ROBO2: variants seen among roughly 807,000 people sequenced by gnomAD.
The protein encoded by ROBO2 is roundabout guidance receptor 2, also known as roundabout homolog 2.
In ROBO2, 53 loss-of-function variants were observed where a neutral mutation model predicts 160.8. The observed-to-expected ratio is 0.33, with a 90% CI of 0.26 to 0.41. ROBO2 has a LOEUF of 0.41. Ranked by LOEUF, ROBO2 falls within the 10% of genes least tolerant of loss-of-function variation. The pLI, the probability that ROBO2 is intolerant of heterozygous loss-of-function variation, is 1.00. For synonymous variants in ROBO2, 664 were observed against 611.7 expected, an observed-to-expected ratio of 1.09 and a Z score of -1.26; for missense variants, 1,577 against 1,722.4, an observed-to-expected ratio of 0.92 and a Z score of 1.49.
intron 2 of ROBO2, among the ~76,000 whole-genome samples, chr3:76,935,542 C>T (rs2077642452): frequency 6.6e-6 from 1 of 152,076 alleles, no homozygotes; most frequent in African/African-American, 2.4e-5. Context: ...TTCATTCAGG[C>T]TACTATCACA....
At chr3:77,334,992 C>A (rs753425440) in intron 2 of ROBO2, among the ~76,000 whole-genome samples, 1 of 152,112 alleles carries the variant, frequency 6.6e-6, no homozygotes, top group Non-Finnish European at 1.5e-5. Context: ...ATTGCCCAAA[C>A]TAAAAGAAGT....
chr3:75,965,255 C>T (rs1428239013), intron 2 of ROBO2, among the ~76,000 whole-genome samples: 1 of 151,746 alleles, frequency 6.6e-6, no homozygotes, highest in Non-Finnish European at 1.5e-5. Flanking sequence ...TGTTTAAACC[C>T]AAACATTTCT....
intron 1 of ROBO2, among the ~76,000 whole-genome samples, chr3:77,056,302 A>C (rs1405314597): frequency 6.6e-6 from 1 of 152,170 alleles, no homozygotes; most frequent in Non-Finnish European, 1.5e-5. Context: ...ACCGTTTGTT[A>C]AGGGAGGCAG....
chr3:77,436,430 C>T (rs921209531), intron 2 of ROBO2, among the ~76,000 whole-genome samples: 1 of 151,726 alleles, frequency 6.6e-6, no homozygotes, highest in African/African-American at 2.4e-5. Flanking sequence ...AAATAGCCTA[C>T]CACAAATTTC....
At chr3:76,369,686 G>A (rs1317502397) in intron 2 of ROBO2, among the ~76,000 whole-genome samples, 1 of 151,778 alleles carries the variant, frequency 6.6e-6, no homozygotes, top group Non-Finnish European at 1.5e-5. Context: ...TCTTTGGTTT[G>A]TCTCTCTCCT....
chr3:77,512,348 C>G (rs950994450), intron 5 of ROBO2, among the ~76,000 whole-genome samples: 1 of 151,904 alleles, frequency 6.6e-6, no homozygotes, highest in Admixed American at 6.6e-5. Flanking sequence ...GCAACTTTTC[C>G]TATTTTCAGC....
intron 2 of ROBO2, among the ~76,000 whole-genome samples, chr3:77,465,011 C>T (rs949373049): frequency 1.3e-5 from 2 of 151,986 alleles, no homozygotes; most frequent in South Asian, 2.1e-4. Context: ...ATCCCATTTG[C>T]CAACTTCAGA....
chr3:76,942,530 G>A (rs1175320480), intron 2 of ROBO2, among the ~76,000 whole-genome samples: 1 of 152,168 alleles, frequency 6.6e-6, no homozygotes, highest in Non-Finnish European at 1.5e-5. Context: ...TCAACATGCT[G>A]ATGACAGCTG....
chr3:77,615,714 C>T (rs547994988), intron 21 of ROBO2, among the ~76,000 whole-genome samples: 1 of 152,154 alleles, frequency 6.6e-6, no homozygotes, highest in Non-Finnish European at 1.5e-5. Context: ...GGATGTAATG[C>T]AGTTTATTTA....
chr3:77,228,173 GT>G (rs1276629217), intron 2 of ROBO2, among the ~76,000 whole-genome samples: 1 of 151,792 alleles, frequency 6.6e-6, no homozygotes, highest in Non-Finnish European at 1.5e-5. Context: ...TTTTATTTTT[GT>G]TTCTTTTTTT....
At chr3:76,987,474 C>T (rs899091713) in intron 2 of ROBO2, among the ~76,000 whole-genome samples, 22 of 152,238 alleles carry the variant, frequency 1.4e-4, no homozygotes, top group Non-Finnish European at 3.1e-4. Flanking sequence ...GCAGTATTCA[C>T]TTGGTCCTAT....
intron 2 of ROBO2, among the ~76,000 whole-genome samples, chr3:76,522,551 A>C (rs1468005690): frequency 6.6e-6 from 1 of 152,204 alleles, no homozygotes; most frequent in Non-Finnish European, 1.5e-5. Context: ...ATGGAGAACT[A>C]CACGGTGTTT....
chr3:77,156,028 T>C (rs561872341), intron 2 of ROBO2, among the ~76,000 whole-genome samples: 5 of 151,986 alleles, frequency 3.3e-5, no homozygotes, highest in Non-Finnish European at 7.4e-5. Context: ...AGCATGCAAA[T>C]TTTCATCTTC....
intron 2 of ROBO2, among the ~76,000 whole-genome samples, chr3:76,770,526 T>G (rs1474656989): frequency 6.6e-6 from 1 of 151,184 alleles, no homozygotes; most frequent in African/African-American, 2.4e-5. Flanking sequence ...GATCTGTGAG[T>G]AAAGCTCTTT....
intron 5 of ROBO2, among the ~76,000 whole-genome samples, chr3:77,515,245 C>T (rs1317417318): frequency 6.6e-6 from 1 of 151,552 alleles, no homozygotes; most frequent in Non-Finnish European, 1.5e-5. Context: ...GGGATTTTTG[C>T]AGGTGCTTAG....
chr3:76,336,925 T>A (rs923693523), intron 2 of ROBO2, among the ~76,000 whole-genome samples: 1 of 152,150 alleles, frequency 6.6e-6, no homozygotes, highest in Non-Finnish European at 1.5e-5. Context: ...TTCCCAAAAT[T>A]AATGTTTGCA....
chr3:77,036,784 T>TA (rs2063661110), upstream of ROBO2, among the ~76,000 whole-genome samples: 2 of 152,072 alleles, frequency 1.3e-5, no homozygotes, highest in Non-Finnish European at 2.9e-5. Context: ...TTCTGTATCT[T>TA]AAGCTCTCTG....
chr3:76,398,669 C>T (rs1314450460), intron 2 of ROBO2, among the ~76,000 whole-genome samples: 1 of 151,378 alleles, frequency 6.6e-6, no homozygotes, highest in African/African-American at 2.4e-5. Context: ...ACTAAATATA[C>T]TAGTAGTATA....
rs563699886 is a variant in ROBO2 at position 76,255,272 on chromosome 3, G to A, written c.109+317670G>A. The stretch of plus-strand genomic sequence containing the variant: ...TGCATAAGATTGCCTGCTATTTATT[G>A]TTTTCTAATATTTTAGGGTTTTAGC... On this transcript the variant is annotated intron_variant, in intron 2 of 26. Coordinates refer to the ROBO2 transcript ENST00000487694. Among the ~76,000 whole-genome samples the A allele has an allele frequency of 2.4e-4, 36 of 152,198 alleles. No individual in the cohort carries two copies. The South Asian group carries it at 7.3e-3, about 31-fold the overall frequency.
Sources: allele counts gnomAD v4.1 joint callset (sites outside exome capture counted in the v4.1 genomes callset), GRCh38; gene constraint gnomAD v4.1.1; transcripts MANE v1.5; gene names NCBI Gene and HGNC (gene_info 2026-07-23, HGNC 2026-07-21).